Variants in ASB18 observed in about 807,000 individuals in gnomAD.
ASB18 encodes the protein ankyrin repeat and SOCS box protein 18.
ASB18 carries 33 observed loss-of-function variants against 33.4 expected under a neutral mutation model. The observed-to-expected ratio is 0.99, with a 90% CI of 0.75 to 1.32. The LOEUF is 1.32. Among genes scored for constraint, ASB18 ranks in the 40% most tolerant of loss-of-function variants. The pLI, the probability that ASB18 is intolerant of heterozygous loss-of-function variation, is 0.00. For synonymous variants in ASB18, 295 were observed against 307.6 expected (o/e 0.96, Z 0.43); for missense variants, 694 against 655.5 (o/e 1.06, Z -0.64).
chr2:236,222,645 T>C lies in ASB18; in HGVS notation c.597-7779A>G, dbSNP rs1027284700. ...GTGGGAGGTGGTTGGTTCATGGGGG[T>C]AGGTCTCTCACGAATGGTTTAGTAC... On this transcript the variant is annotated intron_variant, in intron 3 of 5. Coordinates refer to ENST00000409749, the MANE Select transcript of ASB18 (RefSeq NM_212556.4). The surrounding 1 kb of genome is among the most constrained non-coding windows in gnomAD (Gnocchi z 5.5). Among the ~76,000 whole-genome samples the C allele has an allele frequency of 6.6e-6, 1 of 152,024 alleles. No homozygotes were observed. Among genetic ancestry groups the C allele is most frequent in the African/African-American group, 2.4e-5 (1 of 41,378 alleles).
Position 236,225,962 on chromosome 2 carries a change from G to A in ASB18, c.597-11096C>T, listed in dbSNP as rs2060535760. On this transcript the variant is annotated intron_variant, in intron 3 of 5. Transcript: ENST00000409749. The surrounding 1 kb of genome is among the most constrained non-coding windows in gnomAD (Gnocchi z 5.1). ...GGAATGGCTCTGTATGTAGGTCAGCGACCCCCTCTCTACTGTGAGGTAAAA... is the reference window on the plus strand; with the variant it reads ...GGAATGGCTCTGTATGTAGGTCAGCAACCCCCTCTCTACTGTGAGGTAAAA... Among the ~76,000 whole-genome samples, 3 of 152,056 alleles carry A rather than the reference G, an allele frequency of 2.0e-5. No individual in the cohort carries two copies. The highest frequency in any genetic ancestry group is 6.5e-5 in the Admixed American group (1 of 15,274).
chr2:236,248,592 C>CA lies in ASB18; in HGVS notation c.206-7191dup, dbSNP rs775561670. The CA allele has an allele frequency of 9.1e-3, 1,072 of 118,016 alleles. 2 individuals are homozygous for CA. Among genetic ancestry groups the CA allele is most frequent in the African/African-American group, 0.023 (741 of 32,668 alleles). 7.3% of individuals were successfully genotyped at this position (118,016 alleles called of 1,614,324 possible). On this transcript the variant is annotated intron_variant, in intron 1 of 5. Transcript: ENST00000409749. The surrounding 1 kb of genome is among the most constrained non-coding windows in gnomAD (Gnocchi z 4.9). Reference sequence around the variant, plus strand: ...TGGGCAACAGAGCAAGACTCCGTCTCAAAAAAAAAAAAAAGAAAGAAAAAA... The same window carrying CA: ...TGGGCAACAGAGCAAGACTCCGTCTCAAAAAAAAAAAAAAAGAAAGAAAAAA...
In ASB18 at chr2:236,251,272, G is replaced by C. The variant is rs555651447; in HGVS notation, c.206-9870C>G. ...AAAACACAGCGGCCCAATCCTCAGC[G>C]TGCACAACCACGAGTAAATAGCCCT... On this transcript the variant is annotated intron_variant, in intron 1 of 5. Transcript: ENST00000409749. The surrounding 1 kb of genome is among the most constrained non-coding windows in gnomAD (Gnocchi z 5.3). 1.3e-5 allele frequency among the ~76,000 whole-genome samples: 2 copies of C among 152,174 alleles called. No individual in the cohort carries two copies. The highest frequency in any genetic ancestry group is 3.9e-4 in the East Asian group (2 of 5,186).
chr2:236,212,806 T>A (rs1033221505), intron 4 of ASB18, among the ~76,000 whole-genome samples: 34 of 152,082 alleles, frequency 2.2e-4, no homozygotes, highest in African/African-American at 4.6e-4. Context: ...TTTAAAAAAA[T>A]TTTTGTAGAG....
In ASB18 at chr2:236,231,487, T is replaced by C. The variant is rs2060564361; in HGVS notation, c.596+6202A>G. On this transcript the variant is annotated intron_variant, in intron 3 of 5. Transcript: ENST00000409749. This position sits in a 1 kb window ranked among gnomAD's most constrained non-coding sequence, Gnocchi z 5.5. ...GTGACAATGCAGCAACACAATGCCA[T>C]CTTGGAAGCAACACAATGCCATCTT... Among the ~76,000 whole-genome samples, 2 of 151,588 alleles carry C rather than the reference T, an allele frequency of 1.3e-5. No homozygotes were observed. Among genetic ancestry groups the C allele is most frequent in the Non-Finnish European group, 3.0e-5 (2 of 67,686 alleles).
rs563378619 is a variant in ASB18 at position 236,252,236 on chromosome 2, A to G, written c.206-10834T>C. 4.7e-5 allele frequency among the ~76,000 whole-genome samples: 7 copies of G among 148,880 alleles called. No individual in the cohort carries two copies. The South Asian group carries it at 1.3e-3, about 28-fold the overall frequency. On this transcript the variant is annotated intron_variant, in intron 1 of 5. Coordinates refer to ENST00000409749, the MANE Select transcript of ASB18 (RefSeq NM_212556.4). The surrounding 1 kb of genome is among the most constrained non-coding windows in gnomAD (Gnocchi z 7.9). ...CAGTGAGCCAAGATTGCGCCACTGT[A>G]CTCCAGCCTTGGCAACAGAGTGAGA... is the stretch of plus-strand genomic sequence containing the variant.
In ASB18 at chr2:236,197,936, T is replaced by C. The variant is rs140641660; in HGVS notation, c.1102-1551A>G. 7.0e-3 allele frequency among the ~76,000 whole-genome samples: 1,066 copies of C among 152,338 alleles called. 13 individuals are homozygous for C. The highest frequency in any genetic ancestry group is 0.024 in the African/African-American group (1,014 of 41,572). Reference sequence around the variant, plus strand: ...TTTGCCAAGTGTTGTATAATCGTTCTTTCTATTTCTTGGTTGAGAGACCAG... The same window carrying C: ...TTTGCCAAGTGTTGTATAATCGTTCCTTCTATTTCTTGGTTGAGAGACCAG... On this transcript the variant is annotated intron_variant, in intron 4 of 5. Transcript: ENST00000409749.
At chr2:236,199,939 A>C (rs954557291) in intron 4 of ASB18, among the ~76,000 whole-genome samples, 1 of 152,138 alleles carries the variant, frequency 6.6e-6, no homozygotes, top group Non-Finnish European at 1.5e-5. Flanking sequence ...TTATTGGCAC[A>C]TTTTATTTTG....
At chr2:236,212,107 G>A (rs1032452340) in intron 4 of ASB18, among the ~76,000 whole-genome samples, 1 of 152,158 alleles carries the variant, frequency 6.6e-6, no homozygotes, top group African/African-American at 2.4e-5. Context: ...TTCCTTCCAG[G>A]ATGGGTGGGA....
chr2:236,202,792 AAAAT>A lies in ASB18; in HGVS notation c.1102-6411_1102-6408del, dbSNP rs1407376425. Among the ~76,000 whole-genome samples, 452 of 114,086 alleles carry A rather than the reference AAAAT, an allele frequency of 4.0e-3. 5 individuals are homozygous for A. Among genetic ancestry groups the A allele is most frequent in the African/African-American group, 0.018 (433 of 24,132 alleles). The allele number at this position is 114,086 out of a possible 152,430, so 74.8% of individuals were successfully genotyped here. ...GACTCCGTCTCAAAAAAAAAAAAAA[AAAAT>A]ATATATATATATATATATACACACA... On this transcript the variant is annotated intron_variant, in intron 4 of 5. Transcript: ENST00000409749.
In ASB18 at chr2:236,193,625, C is replaced by T. The variant is rs751030967; in HGVS notation, c.*1247G>A. Reference sequence around the variant, plus strand: ...CAGCCTGACGAACATGGAGAAACCCCGTCTCTACTAAAAATAAAAAATTAG... The same window carrying T: ...CAGCCTGACGAACATGGAGAAACCCTGTCTCTACTAAAAATAAAAAATTAG... On this transcript the variant is annotated 3_prime_UTR_variant, in exon 6 of 6. Transcript: ENST00000409749. The surrounding 1 kb of genome is among the most constrained non-coding windows in gnomAD (Gnocchi z 5.0). Among the ~76,000 whole-genome samples, 3 of 152,186 alleles carry T rather than the reference C, an allele frequency of 2.0e-5. No homozygotes were observed. Among genetic ancestry groups the T allele is most frequent in the South Asian group, 2.1e-4 (1 of 4,810 alleles).
rs928538313 is a variant in ASB18, at chr2:236,208,281, CAT to C, written c.1101+6079_1101+6080del. Among the ~76,000 whole-genome samples, 5 of 152,164 alleles carry C rather than the reference CAT, an allele frequency of 3.3e-5. No homozygotes were observed. The highest frequency in any genetic ancestry group is 4.8e-5 in the African/African-American group (2 of 41,434). On this transcript the variant is annotated intron_variant, in intron 4 of 5. Coordinates refer to ENST00000409749, the MANE Select transcript of ASB18 (RefSeq NM_212556.4). The surrounding 1 kb of genome is among the most constrained non-coding windows in gnomAD (Gnocchi z 7.7). ...GCCCTGTCCCTCTCTGCGCCCCACA[CAT>C]GTTGATATTTCTGGCTCACACGAGC...
At chr2:236,218,216 A>G (rs546746174) in intron 3 of ASB18, among the ~76,000 whole-genome samples, 1 of 152,288 alleles carries the variant, frequency 6.6e-6, no homozygotes, top group South Asian at 2.1e-4. Context: ...AGGGCTGCAG[A>G]TGCTCTTTTC....
chr2:236,236,620 C>T (rs62190974), intron 3 of ASB18, among the ~76,000 whole-genome samples: 29,645 of 151,906 alleles, frequency 0.2, 3,009 homozygotes, highest in South Asian at 0.25. Flanking sequence ...CACGTGGCCC[C>T]CTGATCCCCC....
In ASB18 at chr2:236,263,380, G is replaced by A. The variant is rs536076575; in HGVS notation, c.205+761C>T. Among the ~76,000 whole-genome samples, 9 of 152,270 alleles carry A rather than the reference G, an allele frequency of 5.9e-5. No individual in the cohort carries two copies. Among genetic ancestry groups the A allele is most frequent in the East Asian group, 1.9e-4 (1 of 5,178 alleles). On this transcript the variant is annotated intron_variant, in intron 1 of 5. Transcript: ENST00000409749. The surrounding 1 kb of genome is among the most constrained non-coding windows in gnomAD (Gnocchi z 4.0). Reference sequence around the variant, plus strand: ...CCAGACCTGCAAAGAAAGGATGGGCGACAGGCAGTGAAGAATTACCAGTGT... The same window carrying A: ...CCAGACCTGCAAAGAAAGGATGGGCAACAGGCAGTGAAGAATTACCAGTGT...
chr2:236,206,092 T>C (rs775033228), intron 4 of ASB18, among the ~76,000 whole-genome samples: 3 of 152,236 alleles, frequency 2.0e-5, no homozygotes, highest in Non-Finnish European at 2.9e-5. Flanking sequence ...TTATTATTTC[T>C]GATCCATTTG....
rs1219769776 is a variant in ASB18, at chr2:236,231,257, T to C, written c.596+6432A>G. Among the ~76,000 whole-genome samples the C allele has an allele frequency of 2.6e-5, 4 of 152,242 alleles. No individual in the cohort carries two copies. The highest frequency in any genetic ancestry group is 7.2e-5 in the African/African-American group (3 of 41,468). On this transcript the variant is annotated intron_variant, in intron 3 of 5. Transcript: ENST00000409749. The surrounding 1 kb of genome is among the most constrained non-coding windows in gnomAD (Gnocchi z 5.5). ...GCATACTTTGATGAAACAAGTTTCA[T>C]GTTAGAGAGGTCCACATGACAAGTG...
chr2:236,216,822 A>G lies in ASB18; in HGVS notation c.597-1956T>C, dbSNP rs2060489513. Among the ~76,000 whole-genome samples the G allele has an allele frequency of 6.6e-6, 1 of 152,190 alleles. No individual in the cohort carries two copies. The highest frequency in any genetic ancestry group is 1.5e-5 in the Non-Finnish European group (1 of 68,036). ...CACTGCTCTCTTCAGGACCCAGGACACATCATGATCCAGCTCCTGGGGGCT... is the reference window on the plus strand; with the variant it reads ...CACTGCTCTCTTCAGGACCCAGGACGCATCATGATCCAGCTCCTGGGGGCT... On this transcript the variant is annotated intron_variant, in intron 3 of 5. Transcript: ENST00000409749. The surrounding 1 kb of genome is among the most constrained non-coding windows in gnomAD (Gnocchi z 6.1).
intron 1 of ASB18, among the ~76,000 whole-genome samples, chr2:236,243,106 G>A (rs2060629076): frequency 6.6e-6 from 1 of 150,474 alleles, no homozygotes; most frequent in African/African-American, 2.4e-5. Context: ...CGAGGCGGGT[G>A]GATCACGAGG....
Sources: gnomAD v4.1 joint callset for allele counts (sites outside exome capture counted in the v4.1 genomes callset) on GRCh38, gnomAD v4.1.1 for gene constraint, Gnocchi (gnomAD v3.1) non-coding constraint, MANE v1.5 for transcripts, NCBI Gene and HGNC (gene_info 2026-07-23, HGNC 2026-07-21) for gene names.